Variants in AUTS2 observed in about 807,000 individuals in gnomAD.
The protein encoded by AUTS2 is activator of transcription and developmental regulator AUTS2.
A neutral mutation model predicts 112.4 loss-of-function variants in AUTS2; 17 were observed. The observed-to-expected ratio is 0.15, with a 90% CI of 0.10 to 0.23. The LOEUF is 0.23. Ranked by LOEUF, AUTS2 falls within the 10% of genes least tolerant of loss-of-function variation. AUTS2 has a pLI of 1.00. For synonymous variants in AUTS2, 751 were observed against 702.7 expected (o/e 1.07, Z -1.09); for missense variants, 1,510 against 1,701.6 (o/e 0.89, Z 1.98).
intron 4 of AUTS2, among the ~76,000 whole-genome samples, chr7:70,140,525 A>C (rs1410004204): frequency 6.6e-6 from 1 of 152,212 alleles, no homozygotes; most frequent in African/African-American, 2.4e-5. Flanking sequence ...CATCCAAAGC[A>C]GAAGAAACTG....
At chr7:70,496,751 A>G (rs1798544041) in intron 5 of AUTS2, among the ~76,000 whole-genome samples, 1 of 139,366 alleles carries the variant, frequency 7.2e-6, no homozygotes, top group African/African-American at 2.7e-5. Flanking sequence ...AGCGTCGATC[A>G]CACACCCCAC....
intron 1 of AUTS2, among the ~76,000 whole-genome samples, chr7:69,707,692 G>T (rs562103362): frequency 6.6e-6 from 1 of 152,182 alleles, no homozygotes; most frequent in East Asian, 1.9e-4. Flanking sequence ...CTATCCTTGC[G>T]GGATTAACAT....
chr7:69,906,199 T>A (rs1584421511), intron 2 of AUTS2, among the ~76,000 whole-genome samples: 1 of 152,250 alleles, frequency 6.6e-6, no homozygotes, highest in African/African-American at 2.4e-5. Context: ...CTTTCTTTAT[T>A]TGAAACTGTG....
At chr7:69,616,929 T>A (rs1793412438) in intron 1 of AUTS2, among the ~76,000 whole-genome samples, 1 of 152,206 alleles carries the variant, frequency 6.6e-6, no homozygotes, top group Non-Finnish European at 1.5e-5. Context: ...TCAAAAAAAA[T>A]TTATTGACAG....
At chr7:70,399,748 T>TA (rs200314872) in intron 4 of AUTS2, among the ~76,000 whole-genome samples, 9 of 139,576 alleles carry the variant, frequency 6.4e-5, no homozygotes, top group Non-Finnish European at 1.4e-4. Flanking sequence ...CACAACTGGG[T>TA]AAAAAAATAA....
chr7:70,676,738 G>A (rs1310062810), intron 5 of AUTS2, among the ~76,000 whole-genome samples: 15 of 152,016 alleles, frequency 9.9e-5, no homozygotes, highest in Admixed American at 9.2e-4. Context: ...TTAGCCAGGC[G>A]TGGTGGCATG....
intron 2 of AUTS2, among the ~76,000 whole-genome samples, chr7:70,052,761 C>T (rs1801813562): frequency 6.6e-6 from 1 of 152,150 alleles, no homozygotes; most frequent in African/African-American, 2.4e-5. Context: ...TGTTTTGCTA[C>T]CATCCTATCC....
intron 1 of AUTS2, among the ~76,000 whole-genome samples, chr7:69,833,852 G>T (rs974012960): frequency 1.3e-5 from 2 of 152,204 alleles, no homozygotes; most frequent in Admixed American, 1.3e-4. Flanking sequence ...TATGCTAAAA[G>T]GTTACTTCAC....
At chr7:69,601,585 G>A (rs1175597740) in intron 1 of AUTS2, among the ~76,000 whole-genome samples, 4 of 152,016 alleles carry the variant, frequency 2.6e-5, no homozygotes, top group Admixed American at 1.3e-4. Context: ...TGCAGGTGGT[G>A]GTGATGGTGA....
At chr7:70,223,835 T>G (rs893009800) in intron 4 of AUTS2, among the ~76,000 whole-genome samples, 19 of 150,100 alleles carry the variant, frequency 1.3e-4, no homozygotes, top group Admixed American at 1.3e-3. Flanking sequence ...TCGGCTAGTG[T>G]GCATGTTTGT....
intron 5 of AUTS2, among the ~76,000 whole-genome samples, chr7:70,494,783 A>G (rs1198562641): frequency 6.6e-6 from 1 of 152,174 alleles, no homozygotes; most frequent in Non-Finnish European, 1.5e-5. Context: ...AGTAAACATC[A>G]CAGGTTGACA....
intron 4 of AUTS2, among the ~76,000 whole-genome samples, chr7:70,294,847 G>A (rs2866277): frequency 0.32 from 48,320 of 152,104 alleles, 8,185 homozygotes; most frequent in African/African-American, 0.44. Flanking sequence ...TAAGCCTGGA[G>A]TCGTTTTGTT....
At chr7:70,022,380 G>T (rs894389742) in intron 2 of AUTS2, among the ~76,000 whole-genome samples, 16 of 151,454 alleles carry the variant, frequency 1.1e-4, no homozygotes, top group Non-Finnish European at 1.6e-4. Flanking sequence ...GAGTGCTGTG[G>T]TGCGATCTTG....
chr7:69,703,218 A>T (rs1797899751), intron 1 of AUTS2, among the ~76,000 whole-genome samples: 1 of 152,124 alleles, frequency 6.6e-6, no homozygotes, highest in Admixed American at 6.5e-5. Flanking sequence ...AGGACTCCTG[A>T]GTAATTTTAA....
intron 4 of AUTS2, among the ~76,000 whole-genome samples, chr7:70,219,355 C>G (rs1294105822): frequency 6.6e-6 from 1 of 152,068 alleles, no homozygotes. Flanking sequence ...GTTGTATAAT[C>G]CACAAAACTG....
chr7:69,612,549 T>G (rs1793105680), intron 1 of AUTS2, among the ~76,000 whole-genome samples: 1 of 152,002 alleles, frequency 6.6e-6, no homozygotes, highest in Non-Finnish European at 1.5e-5. Flanking sequence ...AGCCTCGACC[T>G]CCTGGGCTGA....
chr7:70,267,881 G>T (rs1020841312), intron 4 of AUTS2, among the ~76,000 whole-genome samples: 2 of 152,078 alleles, frequency 1.3e-5, no homozygotes, highest in African/African-American at 4.8e-5. Flanking sequence ...CCCTACACTT[G>T]CAACATGCAG....
chr7:69,999,745 C>T (rs1012225431), intron 2 of AUTS2, among the ~76,000 whole-genome samples: 1 of 152,126 alleles, frequency 6.6e-6, no homozygotes, highest in African/African-American at 2.4e-5. Context: ...AGTTACCCCC[C>T]TGCCACACAC....
At chr7:70,413,744 C>G (rs946612506) in intron 4 of AUTS2, among the ~76,000 whole-genome samples, 2 of 152,144 alleles carry the variant, frequency 1.3e-5, no homozygotes, top group African/African-American at 4.8e-5. Flanking sequence ...GTGGCGTGAT[C>G]TCAGTTTACT....
Sources: gnomAD v4.1 joint callset for allele counts (sites outside exome capture counted in the v4.1 genomes callset) on GRCh38, gnomAD v4.1.1 for gene constraint, MANE v1.5 for transcripts, NCBI Gene and HGNC (gene_info 2026-07-23, HGNC 2026-07-21) for gene names.